Variants in ESPL1 observed in about 807,000 individuals in gnomAD.
ESPL1 encodes the protein extra spindle pole bodies like 1, separase, also known as separin.
In ESPL1, 50 loss-of-function variants were observed where a neutral mutation model predicts 217.2. The ratio of observed to expected loss-of-function variants is 0.23; its 90% CI spans 0.18 to 0.29. The LOEUF (loss-of-function observed/expected upper bound fraction) is 0.29, where lower values mean the gene tolerates loss of function less well. Ranked by LOEUF, ESPL1 falls within the 10% of genes least tolerant of loss-of-function variation. ESPL1 has a pLI of 1.00. For synonymous variants in ESPL1, 994 were observed against 1,081.3 expected (o/e 0.92, Z 1.58); for missense variants, 1,834 against 2,603.0 (o/e 0.70, Z 6.43).
chr12:53,291,021 G>A (rs760683226), intron 25 of ESPL1, 25 bp downstream of exon 25: 3 of 1,553,604 alleles, frequency 1.9e-6, no homozygotes, highest in African/African-American at 1.4e-5. Flanking sequence ...CAGGGAAGGG[G>A]GCCAGGCCCA....
Position 53,279,811 on chromosome 12 carries a change from C to G in ESPL1, c.2444C>G (p.Ser815Cys). ...RLKDHSKAAGSSCHITQLLLT... is the reference protein window; with the variant it reads ...RLKDHSKAAGCSCHITQLLLT... ...AAGGACCACTCGAAGGCAGCTGGCT[C>G]CTCCTGCCACATCACCCAGCTCCTC... is the stretch of plus-strand genomic sequence containing the variant. Residue 815 changes from serine (S) to cysteine (C), a missense_variant, in exon 12 of 31, where the codon TCC (serine) becomes TGC (cysteine). Ser to Cys is a moderately radical substitution (Grantham distance 112). Coordinates refer to ENST00000257934, the MANE Select transcript of ESPL1 (RefSeq NM_012291.5). The G allele has an allele frequency of 1.9e-6, 3 of 1,612,732 alleles. No individual in the cohort carries two copies. The highest frequency in any genetic ancestry group is 2.5e-6 in the Non-Finnish European group (3 of 1,179,352).
Position 53,287,986 on chromosome 12 carries a change from T to C in ESPL1, c.4191T>C (p.Asp1397=), listed in dbSNP as rs761769570. 17 of 1,604,006 alleles carry C rather than the reference T, an allele frequency of 1.1e-5. No homozygotes were observed. The highest frequency in any genetic ancestry group is 4.0e-5 in the African/African-American group (3 of 74,768). ...VQTRLKVNFS[D]DSDLEDPVSA... ...TCTGATCTCAGGTGAACTTCAGTGATGACAGTGACTTGGAAGACCCTGTCT... is the reference window on the plus strand; with the variant it reads ...TCTGATCTCAGGTGAACTTCAGTGACGACAGTGACTTGGAAGACCCTGTCT... Residue 1397 remains aspartate (D), a synonymous_variant, in exon 19 of 31, where the codon GAT becomes GAC. Transcript: ENST00000257934.
Position 53,290,477 on chromosome 12 carries a change from C to T in ESPL1, c.5364+8C>T, listed in dbSNP as rs763783989. 1.2e-6 allele frequency: 2 copies of T among 1,611,474 alleles called. No homozygotes were observed. Among genetic ancestry groups the T allele is most frequent in the African/African-American group, 1.3e-5 (1 of 74,862 alleles). On this transcript the variant is annotated splice_region_variant and intron_variant, in intron 24 of 30. Transcript: ENST00000257934. ...CTGGACCACAGGATGGAGGTGTGTG[C>T]TTCTGGGGTGGGGTCAGGCCTGCTC...
chr12:53,275,501 C>T (rs1429030554), intron 7 of ESPL1, among the ~76,000 whole-genome samples: 4 of 152,040 alleles, frequency 2.6e-5, no homozygotes, highest in African/African-American at 9.7e-5. Flanking sequence ...CCATGTTTCT[C>T]CCATGGATAG....
rs555983912 is a variant in ESPL1 at position 53,276,710 on chromosome 12, C to T, written c.1791C>T (p.Ala597=). 21 of 1,613,246 alleles carry T rather than the reference C, an allele frequency of 1.3e-5. No homozygotes were observed. Among genetic ancestry groups the T allele is most frequent in the South Asian group, 5.5e-5 (5 of 91,086 alleles). Residue 597 remains alanine (A), a synonymous_variant, in exon 8 of 31, where the codon GCC becomes GCT. Transcript: ENST00000257934. ...TGCAGGCCTACAAGGCGGTGCGGGC[C>T]GACACTGGACAGGAACGCTTCAACA... The part of the protein sequence containing the change: ...EELQAYKAVR[A]DTGQERFNII...
chr12:53,290,651 T>C (rs1047059847), intron 24 of ESPL1, among the ~76,000 whole-genome samples, 182 bp downstream of exon 24: 4 of 2,190 alleles, frequency 1.8e-3, no homozygotes, highest in African/African-American at 2.6e-3. Flanking sequence ...TTGAAGAATA[T>C]ATGGGAATGG....
Position 53,282,404 on chromosome 12 carries a change from A to T in ESPL1, c.2760A>T (p.Ser920=). Residue 920 remains serine (S), a synonymous_variant, in exon 14 of 31, where the codon TCA becomes TCT. Transcript: ENST00000257934. The surrounding 1 kb of genome is among the most constrained non-coding windows in gnomAD (Gnocchi z 4.0). ...TTAGCCTCCCGTCAAACAACCTCTC[A>T]CACTCCCTGTGGGAGCAGCTCTGTG... The part of the protein sequence containing the change: ...AYLSLPSNNL[S]HSLWEQLCAQ... 2 of 1,613,890 alleles carry T rather than the reference A, an allele frequency of 1.2e-6. No individual in the cohort carries two copies. Among genetic ancestry groups the T allele is most frequent in the Non-Finnish European group, 1.7e-6 (2 of 1,179,850 alleles).
chr12:53,283,538 A>C lies in ESPL1; in HGVS notation c.3077A>C (p.Gln1026Pro). The change falls in exon 16 of 31, where the codon CAG becomes CCG. Residue 1026 changes from glutamine (Q) to proline (P), a missense_variant and splice_region_variant. By Grantham distance (76) the Gln-to-Pro change is moderately conservative. Around this residue, in one of 5 missense-constraint regions of ESPL1, gnomAD observed 107 missense variants for 171.7 expected, o/e 0.62. Transcript: ENST00000257934. ...ACAACAAAGCTGCAGATACCACGCC[A>C]GTAAGTACAGGGCCAGAGGATATGG... The part of the protein sequence containing the change: ...KLTTKLQIPR[Q>P]CALFLVLKGE... The C allele has an allele frequency of 6.2e-7, 1 of 1,613,976 alleles. No homozygotes were observed. The highest frequency in any genetic ancestry group is 8.5e-7 in the Non-Finnish European group (1 of 1,179,936).
chr12:53,276,997 G>T, intron 8 of ESPL1, 86 bp from the exon 9 acceptor site: 1 of 1,568,478 alleles, frequency 6.4e-7, no homozygotes, highest in Non-Finnish European at 8.7e-7. Context: ...AAAGGGCGAG[G>T]CCAGCTGTTC....
Position 53,282,279 on chromosome 12 carries a change from T to C in ESPL1, c.2635T>C (p.Ser879Pro), listed in dbSNP as rs1163505494. 6.2e-7 allele frequency: 1 copy of C among 1,613,928 alleles called. No individual in the cohort carries two copies. The change falls in exon 14 of 31, where the codon TCT (serine) becomes CCT (proline). Residue 879 changes from serine to proline, a missense_variant. Physicochemically the swap from Ser to Pro is moderately conservative, Grantham distance 74. Transcript: ENST00000257934. The surrounding 1 kb of genome is among the most constrained non-coding windows in gnomAD (Gnocchi z 4.0). ...WTHQKVTKGV[S>P]LLLSVLRDPA... is the part of the protein sequence containing the mutation. ...TCTCCTTCAGGTGACCAAGGGTGTC[T>C]CTCTGCTGCTGTCTGTGCTTCGGGA... is the stretch of plus-strand genomic sequence containing the variant.
Position 53,268,834 on chromosome 12 carries a change from T to C in ESPL1, c.68T>C (p.Leu23Pro). 1 of 1,612,294 alleles carries C rather than the reference T, an allele frequency of 6.2e-7. No individual in the cohort carries two copies. The highest frequency in any genetic ancestry group is 8.5e-7 in the Non-Finnish European group (1 of 1,179,342). ...LSSQKEAEEL[L>P]PALKEFLSNP... ...AGCCAGAAGGAGGCTGAAGAGTTGC[T>C]GCCCGCCTTGAAGGTGGGGGTGCTG... The change falls in exon 2 of 31, where the codon CTG (leucine) becomes CCG (proline). Residue 23 changes from leucine to proline, a missense_variant. Transcript: ENST00000257934.
In ESPL1 at chr12:53,290,742, C is replaced by A. The variant is rs534177882; in HGVS notation, c.5365-99C>A. 1,030 of 113,592 alleles carry A rather than the reference C, an allele frequency of 9.1e-3. 1 individual carries two copies. Among genetic ancestry groups the A allele is most frequent in the Non-Finnish European group, 0.011 (955 of 84,460 alleles). 7.0% of individuals were successfully genotyped at this position (113,592 alleles called of 1,614,324 possible). ...CAGAAAGATACGTAAGACAGACATG[C>A]ACATTGGAAAACGCATTTTCTCATC... On this transcript the variant is annotated intron_variant, in intron 24 of 30. Coordinates refer to ENST00000257934, the MANE Select transcript of ESPL1 (RefSeq NM_012291.5).
chr12:53,275,131 C>T (rs1592480943), intron 7 of ESPL1, 121 bp downstream of exon 7: 1 of 724,146 alleles, frequency 1.4e-6, no homozygotes. Context: ...GAAACCCCGT[C>T]TCTACTACAA....
At chr12:53,287,059 T>G in intron 18 of ESPL1, 147 bp downstream of exon 18, 1 of 770,648 alleles carries the variant, frequency 1.3e-6, no homozygotes, top group Non-Finnish European at 2.0e-6. Flanking sequence ...AGTACCCCAA[T>G]ATCTTGCTTT....
At chr12:53,290,535 C>T in intron 24 of ESPL1, 66 bp downstream of exon 24, 1 of 1,580,210 alleles carries the variant, frequency 6.3e-7, no homozygotes, top group Non-Finnish European at 8.7e-7. Flanking sequence ...AGTGACTTCT[C>T]TACCAGACGG....
chr12:53,277,968 G>A lies in ESPL1; in HGVS notation c.2364+8G>A. 1.2e-6 allele frequency: 2 copies of A among 1,612,656 alleles called. No individual in the cohort carries two copies. Among genetic ancestry groups the A allele is most frequent in the Non-Finnish European group, 1.7e-6 (2 of 1,179,612 alleles). On this transcript the variant is annotated splice_region_variant and intron_variant, in intron 11 of 30. Coordinates refer to ENST00000257934, the MANE Select transcript of ESPL1 (RefSeq NM_012291.5). The stretch of plus-strand genomic sequence containing the variant: ...TACCAGCTGGTGGCAAAGGTAATGG[G>A]GTGGGGCATTGAGGGGGACCCATAT...
intron 17 of ESPL1, 61 bp downstream of exon 17, chr12:53,284,228 C>A (rs1010649177): frequency 4.0e-6 from 4 of 1,008,410 alleles, no homozygotes; most frequent in Non-Finnish European, 6.3e-6. Context: ...TACAGCACAT[C>A]TTTCTATGTA....
chr12:53,270,572 G>C, intron 4 of ESPL1, 90 bp downstream of exon 4: 1 of 387,972 alleles, frequency 2.6e-6, no homozygotes, highest in Non-Finnish European at 3.3e-6. Flanking sequence ...TTGCTCCACT[G>C]CCCTCAAACA....
intron 22 of ESPL1, chr12:53,289,805 T>A: frequency 4.9e-6 from 3 of 609,174 alleles, no homozygotes; most frequent in Non-Finnish European, 8.5e-6. Context: ...GTGTCTTTCC[T>A]CAGAGGTGAG....
Sources: gnomAD v4.1 joint callset for allele counts (sites outside exome capture counted in the v4.1 genomes callset) on GRCh38, gnomAD v4.1.1 for gene constraint, gnomAD v4.1.1 regional missense constraint, Gnocchi (gnomAD v3.1) non-coding constraint, MANE v1.5 for transcripts, NCBI Gene and HGNC (gene_info 2026-07-23, HGNC 2026-07-21) for gene names.